FADS2: variants seen among roughly 807,000 people sequenced by gnomAD.
The protein encoded by FADS2 is fatty acid desaturase 2, also known as acyl-CoA 6-desaturase.
FADS2 carries 18 observed loss-of-function variants against 61.2 expected under a neutral mutation model. The ratio of observed to expected loss-of-function variants is 0.29; its 90% CI spans 0.20 to 0.44. The LOEUF is 0.44. FADS2 is among the 20% of genes least tolerant of loss of function. FADS2 has a pLI of 1.00. For synonymous variants in FADS2, 203 were observed against 223.9 expected (o/e 0.91, Z 0.83); for missense variants, 322 against 572.7 (o/e 0.56, Z 4.47).
chr11:61,860,837 G>A (rs1446071717), intron 7 of FADS2, among the ~76,000 whole-genome samples: 2 of 152,138 alleles, frequency 1.3e-5, no homozygotes, highest in African/African-American at 4.8e-5. Flanking sequence ...GAGCCCAGGA[G>A]TTTGAGGCTG....
rs185370020 is a variant in FADS2, at chr11:61,838,243, C to T, written c.318+355C>T. 4.7e-4 allele frequency among the ~76,000 whole-genome samples: 72 copies of T among 152,230 alleles called. 1 individual carries two copies. Among genetic ancestry groups the T allele is most frequent in the Non-Finnish European group, 4.4e-5 (3 of 68,018 alleles). ...GCTTTGGGGTGTGTGGTCCGGGGCA[C>T]CTCTTTGAGAAAGAATGACCATTCC... On this transcript the variant is annotated intron_variant, in intron 2 of 11. Coordinates refer to ENST00000278840, the MANE Select transcript of FADS2 (RefSeq NM_004265.4).
At chr11:61,858,549 G>C (rs2067384962) in intron 7 of FADS2, among the ~76,000 whole-genome samples, 3 of 151,870 alleles carry the variant, frequency 2.0e-5, no homozygotes, top group South Asian at 4.2e-4. Context: ...TTTAAAATAG[G>C]GACATTGGTC....
chr11:61,848,310 C>G (rs1412216589), intron 5 of FADS2, 26 bp downstream of exon 5: 13 of 1,610,918 alleles, frequency 8.1e-6, no homozygotes, highest in South Asian at 1.1e-5. Flanking sequence ...TGGTGTTGAC[C>G]TAGGAAGTGT....
Position 61,848,251 on chromosome 11 carries a change from C to G in FADS2, c.711C>G (p.His237Gln). 1 of 1,614,196 alleles carries G rather than the reference C, an allele frequency of 6.2e-7. No homozygotes were observed. Residue 237 changes from histidine (H) to glutamine (Q), a missense_variant, in exon 5 of 12, where the codon CAC becomes CAG. Around this residue, in one of 3 missense-constraint regions of FADS2, gnomAD observed 221 missense variants for 427.9 expected, o/e 0.52. Transcript: ENST00000278840. ...FHKDPDVNML[H>Q]VFVLGEWQPI... is the part of the protein sequence containing the mutation. The stretch of plus-strand genomic sequence containing the variant: ...AGGATCCCGATGTGAACATGCTGCA[C>G]GTGTTTGTTCTGGGCGAATGGCAGC...
chr11:61,818,086 A>T (rs768657524), intron 1 of FADS2, among the ~76,000 whole-genome samples: 3 of 152,182 alleles, frequency 2.0e-5, no homozygotes, highest in Non-Finnish European at 4.4e-5. Context: ...CTTCAAAGGG[A>T]AAGGAAACAT....
At chr11:61,832,262 CA>C (rs936386512) in intron 1 of FADS2, among the ~76,000 whole-genome samples, 1 of 152,234 alleles carries the variant, frequency 6.6e-6, no homozygotes, top group Non-Finnish European at 1.5e-5. Context: ...TGTGAAAACG[CA>C]ACAGATCGAA....
intron 1 of FADS2, chr11:61,817,296 C>G (rs2066996375): frequency 8.8e-6 from 2 of 227,240 alleles, no homozygotes; most frequent in Middle Eastern, 1.4e-3. Context: ...GCCGGGGTCT[C>G]CAGACGCTGA....
At chr11:61,838,768 C>T (rs2067195347) in intron 2 of FADS2, among the ~76,000 whole-genome samples, 1 of 152,302 alleles carries the variant, frequency 6.6e-6, no homozygotes, top group African/African-American at 2.4e-5. Context: ...GCCCTGTACC[C>T]ATGCCAGCCC....
chr11:61,839,058 C>T (rs745715992), intron 2 of FADS2, among the ~76,000 whole-genome samples: 24 of 152,140 alleles, frequency 1.6e-4, no homozygotes, highest in East Asian at 1.9e-4. Context: ...CTCTCCTCCC[C>T]GTCCGGCCCT....
upstream of FADS2, chr11:61,816,205 C>T (rs903593030): frequency 1.3e-6 from 2 of 1,553,372 alleles, no homozygotes; most frequent in Middle Eastern, 1.7e-4. This position sits in a 1 kb window ranked among gnomAD's most constrained non-coding sequence, Gnocchi z 7.0. Flanking sequence ...CGGCCTGCAT[C>T]CTTGCTCTCC....
At chr11:61,826,248 T>C, upstream of FADS2, 1 of 702,400 alleles carries the variant, frequency 1.4e-6, no homozygotes, top group Non-Finnish European at 2.6e-6. Flanking sequence ...ATTCATTCAT[T>C]TGTGTCTTCA....
At chr11:61,820,523 G>A (rs1386359942) in intron 1 of FADS2, among the ~76,000 whole-genome samples, 2 of 152,112 alleles carry the variant, frequency 1.3e-5, no homozygotes, top group African/African-American at 4.8e-5. Flanking sequence ...TTATAATCCA[G>A]GATAGGGCTG....
chr11:61,828,137 G>C (rs1185911508), upstream of FADS2: 30 of 1,384,590 alleles, frequency 2.2e-5, no homozygotes, highest in Non-Finnish European at 2.5e-5. This position sits in a 1 kb window ranked among gnomAD's most constrained non-coding sequence, Gnocchi z 6.4. Context: ...CGGGAGGGCT[G>C]AGGGAGGGGC....
In FADS2 at chr11:61,865,192, G is replaced by T; in HGVS notation, c.1198G>T (p.Ala400Ser). Residue 400 changes from alanine to serine, a missense_variant, in exon 11 of 12, where the codon GCC becomes TCC. This residue lies in a region of FADS2 where 221 missense variants were observed against 427.9 expected (regional missense o/e 0.52). Coordinates refer to ENST00000278840, the MANE Select transcript of FADS2 (RefSeq NM_004265.4). This position sits in a 1 kb window ranked among gnomAD's most constrained non-coding sequence, Gnocchi z 4.1. Reference protein sequence around the residue: ...TMPRHNLHKIAPLVKSLCAKH... With the variant: ...TMPRHNLHKISPLVKSLCAKH... Reference sequence around the variant, plus strand: ...GCCCCGGCACAACTTACACAAGATCGCCCCGCTGGTGAAGTCTCTATGTGC... The same window carrying T: ...GCCCCGGCACAACTTACACAAGATCTCCCCGCTGGTGAAGTCTCTATGTGC... 1 of 1,613,778 alleles carries T rather than the reference G, an allele frequency of 6.2e-7. No homozygotes were observed. Among genetic ancestry groups the T allele is most frequent in the Non-Finnish European group, 8.5e-7 (1 of 1,179,992 alleles).
In FADS2 at chr11:61,836,137, G is replaced by A. The variant is rs552768145; in HGVS notation, c.208-1641G>A. On this transcript the variant is annotated intron_variant, in intron 1 of 11. Coordinates refer to ENST00000278840, the MANE Select transcript of FADS2 (RefSeq NM_004265.4). ...TTTTGAGTCAAAGTCTCACTCTGTC[G>A]CCCAGGCTGGAGTGCAGTGGTGCAA... Among the ~76,000 whole-genome samples the A allele has an allele frequency of 9.0e-4, 137 of 152,200 alleles. 1 individual carries two copies. The highest frequency in any genetic ancestry group is 1.7e-3 in the Non-Finnish European group (116 of 68,004).
At chr11:61,833,194 T>C (rs938774763) in intron 1 of FADS2, among the ~76,000 whole-genome samples, 3 of 152,200 alleles carry the variant, frequency 2.0e-5, no homozygotes, top group Admixed American at 6.5e-5. Context: ...TCCACCTGTT[T>C]ACCAATCCTT....
intron 5 of FADS2, chr11:61,856,661 A>G (rs1199156970): frequency 3.5e-6 from 1 of 286,654 alleles, no homozygotes; most frequent in Non-Finnish European, 6.5e-6. Context: ...ATGGGCTCAG[A>G]GTCAGCTTTT....
In FADS2 at chr11:61,816,937, G is replaced by A; in HGVS notation, c.141+511G>A. On this transcript the variant is annotated intron_variant, in intron 1 of 11. Transcript: ENST00000257261. This position sits in a 1 kb window ranked among gnomAD's most constrained non-coding sequence, Gnocchi z 7.0. ...CGCAGCGCGCGTTCCCATTGGCCGA[G>A]CCTCGTGGCGCGGGGAGCGAGATCC... The A allele has an allele frequency of 7.2e-7, 1 of 1,380,610 alleles. No individual in the cohort carries two copies. Among genetic ancestry groups the A allele is most frequent in the Non-Finnish European group, 9.3e-7 (1 of 1,076,204 alleles). 85.5% of individuals were successfully genotyped at this position (1,380,610 alleles called of 1,614,324 possible).
chr11:61,826,360 T>G (rs779532006), upstream of FADS2: 1 of 702,604 alleles, frequency 1.4e-6, no homozygotes, highest in Non-Finnish European at 2.6e-6. Context: ...TCAGCCACCC[T>G]ACACAGGCCA....
Sources: gnomAD v4.1 joint callset for allele counts (sites outside exome capture counted in the v4.1 genomes callset) on GRCh38, gnomAD v4.1.1 for gene constraint, gnomAD v4.1.1 regional missense constraint, Gnocchi (gnomAD v3.1) non-coding constraint, MANE v1.5 for transcripts, NCBI Gene and HGNC (gene_info 2026-07-23, HGNC 2026-07-21) for gene names.